Variants in PALS2 observed in about 807,000 individuals in gnomAD.
PALS2 encodes the protein protein PALS2.
PALS2 carries 27 observed loss-of-function variants against 61.6 expected under a neutral mutation model. That is an observed-to-expected ratio of 0.44 (90% CI 0.32 to 0.60). PALS2 has a LOEUF of 0.60. Among genes scored for constraint, PALS2 ranks in the 20% least tolerant of loss-of-function variants. The probability of loss-of-function intolerance (pLI) is 0.05; values close to 1 mark genes in which losing one functional copy is unlikely to be tolerated. For missense variants in PALS2, 554 were observed against 639.4 expected, an observed-to-expected ratio of 0.87 and a Z score of 1.44; for synonymous variants, 236 against 218.6, an observed-to-expected ratio of 1.08 and a Z score of -0.70.
At chr7:24,685,656 T>TG (rs1351138109) in intron 11 of PALS2, among the ~76,000 whole-genome samples, 3 of 147,562 alleles carry the variant, frequency 2.0e-5, no homozygotes, top group Non-Finnish European at 3.1e-5. Flanking sequence ...GGTTTTTTTT[T>TG]TTTTTTTTTT....
At chr7:24,593,692 G>GA (rs1246561615) in intron 1 of PALS2, among the ~76,000 whole-genome samples, 1 of 152,078 alleles carries the variant, frequency 6.6e-6, no homozygotes, top group Non-Finnish European at 1.5e-5. Flanking sequence ...ATTTTGAAAG[G>GA]AATCTTTTTT....
At chr7:24,586,972 G>A (rs1252763794) in intron 1 of PALS2, among the ~76,000 whole-genome samples, 7 of 100,172 alleles carry the variant, frequency 7.0e-5, no homozygotes, top group East Asian at 5.0e-4. Flanking sequence ...TTCCCCGCCC[G>A]CCCTGCCCCC....
intron 4 of PALS2, 142 bp from the exon 5 acceptor site, chr7:24,650,343 A>G: frequency 1.4e-6 from 1 of 701,286 alleles, no homozygotes; most frequent in South Asian, 2.0e-5. Flanking sequence ...TGGGAGTGAA[A>G]TATTGAGACA....
chr7:24,623,033 T>C (rs911348773), intron 1 of PALS2, among the ~76,000 whole-genome samples: 11 of 152,036 alleles, frequency 7.2e-5, no homozygotes, highest in Admixed American at 3.9e-4. Context: ...TTGGCCATTA[T>C]GTACAATTGT....
At chr7:24,605,016 C>T (rs771866168) in intron 1 of PALS2, among the ~76,000 whole-genome samples, 4 of 152,188 alleles carry the variant, frequency 2.6e-5, no homozygotes, top group African/African-American at 4.8e-5. Context: ...ATTTTTATAA[C>T]GGCCTTTGGG....
At position 24,665,799 on chromosome 7, in the gene PALS2, C is replaced by T; in HGVS notation, c.883+112C>T. On this transcript the variant is annotated intron_variant, in intron 7 of 11. Coordinates refer to ENST00000222644, the MANE Select transcript of PALS2 (RefSeq NM_001303037.2). ...TTTAAAATATGTCTAGAATGAATCCCTCCCTCTGCTTTCTCTCGCTCATAA... is the reference window on the plus strand; with the variant it reads ...TTTAAAATATGTCTAGAATGAATCCTTCCCTCTGCTTTCTCTCGCTCATAA... The T allele has an allele frequency of 3.9e-6, 4 of 1,025,272 alleles. No individual in the cohort carries two copies. In the Middle Eastern group the frequency reaches 6.4e-4, roughly 164 times the overall value. 63.5% of individuals were successfully genotyped at this position (1,025,272 alleles called of 1,614,324 possible).
rs70942878 is a variant in PALS2, at chr7:24,691,405, G to GTATATATATATATATATA, written c.*3814_*3831dup. The stretch of plus-strand genomic sequence containing the variant: ...ATATTATGTATGTGTGTGTGTGTGT[G>GTATATATATATATATATA]TATATATATATATATATATATATAT... On this transcript the variant is annotated 3_prime_UTR_variant, in exon 12 of 12. Coordinates refer to ENST00000222644, the MANE Select transcript of PALS2 (RefSeq NM_001303037.2). 1 of 110,596 alleles carries GTATATATATATATATATA rather than the reference G, an allele frequency of 9.0e-6. No homozygotes were observed. The highest frequency in any genetic ancestry group is 1.9e-5 in the Non-Finnish European group (1 of 52,308). The allele number at this position is 110,596 out of a possible 1,614,324, so 6.9% of individuals were successfully genotyped here.
At chr7:24,681,684 C>G (rs1787941357) in intron 11 of PALS2, among the ~76,000 whole-genome samples, 1 of 151,908 alleles carries the variant, frequency 6.6e-6, no homozygotes, top group South Asian at 2.1e-4. Flanking sequence ...ACAGCTTGAT[C>G]AGTTTGGCCA....
chr7:24,616,870 T>C (rs1784312061), intron 1 of PALS2, among the ~76,000 whole-genome samples: 1 of 152,162 alleles, frequency 6.6e-6, no homozygotes, highest in Admixed American at 6.5e-5. Flanking sequence ...TTTGACAGTT[T>C]GAGTATAATG....
At chr7:24,671,365 G>T (rs957726399) in intron 9 of PALS2, among the ~76,000 whole-genome samples, 1 of 152,108 alleles carries the variant, frequency 6.6e-6, no homozygotes, top group Non-Finnish European at 1.5e-5. Context: ...CCATTTTTCA[G>T]TTAGGTTATT....
intron 1 of PALS2, among the ~76,000 whole-genome samples, chr7:24,591,637 GTC>G (rs1562602000): frequency 6.6e-6 from 1 of 152,112 alleles, no homozygotes; most frequent in Non-Finnish European, 1.5e-5. Context: ...GGTGTATAAA[GTC>G]TCTGCAAATG....
At chr7:24,647,119 GT>G (rs1785876033) in intron 3 of PALS2, among the ~76,000 whole-genome samples, 1 of 147,732 alleles carries the variant, frequency 6.8e-6, no homozygotes, top group Non-Finnish European at 1.5e-5. Context: ...ATTTTTTGTT[GT>G]TGTTGTTGTT....
At chr7:24,613,686 T>C (rs573181978) in intron 1 of PALS2, among the ~76,000 whole-genome samples, 49 of 152,026 alleles carry the variant, frequency 3.2e-4, no homozygotes, top group African/African-American at 1.1e-3. Context: ...CTAGAACTTA[T>C]TCCTCATATC....
At chr7:24,628,094 T>G (rs1784829361) in intron 2 of PALS2, among the ~76,000 whole-genome samples, 1 of 152,198 alleles carries the variant, frequency 6.6e-6, no homozygotes, top group South Asian at 2.1e-4. Flanking sequence ...ATATCCCTGA[T>G]GAACATCGAT....
At position 24,622,714 on chromosome 7, in the gene PALS2, T is replaced by A. The variant is rs190503915; in HGVS notation, c.-2-952T>A. On this transcript the variant is annotated intron_variant, in intron 1 of 11. Coordinates refer to ENST00000222644, the MANE Select transcript of PALS2 (RefSeq NM_001303037.2). ...TTTTTTTTTGCTTAACAGCCCTGTC[T>A]AGAACCTCTAATCCAAAGTTGAATA... Among the ~76,000 whole-genome samples, 466 of 150,558 alleles carry A rather than the reference T, an allele frequency of 3.1e-3. 1 individual carries two copies. The highest frequency in any genetic ancestry group is 5.3e-3 in the Non-Finnish European group (358 of 67,422).
intron 11 of PALS2, among the ~76,000 whole-genome samples, chr7:24,681,797 C>T (rs1432938441): frequency 1.3e-5 from 2 of 152,084 alleles, no homozygotes; most frequent in Non-Finnish European, 2.9e-5. Flanking sequence ...CCACACCCTT[C>T]CCCCTACCAC....
intron 11 of PALS2, among the ~76,000 whole-genome samples, chr7:24,685,543 T>G (rs1788150756): frequency 6.6e-6 from 1 of 152,064 alleles, no homozygotes; most frequent in Non-Finnish European, 1.5e-5. Context: ...AAAATGTGCC[T>G]GCATTTTTCC....
At chr7:24,663,076 CAG>C (rs1786823479) in intron 5 of PALS2, among the ~76,000 whole-genome samples, 1 of 151,670 alleles carries the variant, frequency 6.6e-6, no homozygotes, top group Non-Finnish European at 1.5e-5. Context: ...GCATATAAAT[CAG>C]AGCAAGATGA....
intron 1 of PALS2, among the ~76,000 whole-genome samples, chr7:24,616,428 T>C (rs1293050699): frequency 6.6e-6 from 1 of 152,138 alleles, no homozygotes. Flanking sequence ...AAGAAAGCCA[T>C]TATATTTACA....
Sources: gnomAD v4.1 joint callset for allele counts (sites outside exome capture counted in the v4.1 genomes callset) on GRCh38, gnomAD v4.1.1 for gene constraint, MANE v1.5 for transcripts, NCBI Gene and HGNC (gene_info 2026-07-23, HGNC 2026-07-21) for gene names.